The following PRKAR1B variants were observed in gnomAD, a reference collection of about 807,000 sequenced individuals.
The protein encoded by PRKAR1B is protein kinase cAMP-dependent type I regulatory subunit beta.
Under a neutral mutation model 46.5 loss-of-function variants are expected in PRKAR1B, and 22 were observed. That is an observed-to-expected ratio of 0.47 (90% CI 0.34 to 0.68). PRKAR1B has a LOEUF of 0.68. PRKAR1B is among the 30% of genes least tolerant of loss of function. The pLI, the probability that PRKAR1B is intolerant of heterozygous loss-of-function variation, is 0.01. For synonymous variants in PRKAR1B, 259 were observed against 217.7 expected, an observed-to-expected ratio of 1.19 and a Z score of -1.67; for missense variants, 445 against 535.6, an observed-to-expected ratio of 0.83 and a Z score of 1.67.
intron 4 of PRKAR1B, among the ~76,000 whole-genome samples, chr7:647,520 C>T (rs1657666825): frequency 6.6e-6 from 1 of 152,070 alleles, no homozygotes; most frequent in Non-Finnish European, 1.5e-5. Context: ...AAACACGTAC[C>T]TCCAGGCCAG....
At chr7:671,327 T>C (rs1332166600) in intron 4 of PRKAR1B, among the ~76,000 whole-genome samples, 2 of 152,166 alleles carry the variant, frequency 1.3e-5, no homozygotes, top group Non-Finnish European at 2.9e-5. Flanking sequence ...CGCCCAAACA[T>C]TTGCCTCTCA....
chr7:649,033 G>A (rs1015061083), intron 4 of PRKAR1B, among the ~76,000 whole-genome samples: 31 of 151,798 alleles, frequency 2.0e-4, no homozygotes, highest in East Asian at 3.9e-4. Flanking sequence ...GCATGGTGGC[G>A]GGTACCTGTA....
At chr7:668,263 G>A (rs1449507194) in intron 4 of PRKAR1B, among the ~76,000 whole-genome samples, 1 of 152,198 alleles carries the variant, frequency 6.6e-6, no homozygotes, top group Non-Finnish European at 1.5e-5. Flanking sequence ...GGCTTTGCTC[G>A]CCAAACCACA....
intron 9 of PRKAR1B, among the ~76,000 whole-genome samples, chr7:551,962 T>C (rs1285981268): frequency 2.1e-4 from 6 of 29,202 alleles, no homozygotes; most frequent in African/African-American, 1.4e-4. Context: ...GGTCCTTCCC[T>C]CGGCGCCACT....
At chr7:576,158 G>C (rs1464090529) in intron 9 of PRKAR1B, among the ~76,000 whole-genome samples, 89 of 116,678 alleles carry the variant, frequency 7.6e-4, no homozygotes, top group African/African-American at 2.5e-3. Flanking sequence ...CTCCTCTGCA[G>C]ACGGGCGGGC....
At chr7:555,004 G>A (rs1484402386) in intron 9 of PRKAR1B, among the ~76,000 whole-genome samples, 1 of 152,144 alleles carries the variant, frequency 6.6e-6, no homozygotes, top group Non-Finnish European at 1.5e-5. Flanking sequence ...AGGCTGCCGT[G>A]GCTCCGGGAG....
At chr7:559,955 C>A (rs1778684154) in intron 9 of PRKAR1B, among the ~76,000 whole-genome samples, 1 of 152,090 alleles carries the variant, frequency 6.6e-6, no homozygotes, top group Non-Finnish European at 1.5e-5. Flanking sequence ...GTGGTCCCAG[C>A]TACTCAGGAG....
At chr7:711,594 G>C in intron 1 of PRKAR1B, 67 bp from the exon 2 acceptor site, 1 of 1,419,716 alleles carries the variant, frequency 7.0e-7, no homozygotes, top group East Asian at 2.3e-5. Context: ...GATAAACGCA[G>C]GCGGCGTGAA....
chr7:719,179 ACAGGTGCCTGCCAC>A (rs1280194276), intron 1 of PRKAR1B, among the ~76,000 whole-genome samples: 3 of 152,092 alleles, frequency 2.0e-5, no homozygotes, highest in Non-Finnish European at 4.4e-5. Flanking sequence ...AGGTGGGATT[ACAGGTGCCTGCCAC>A]CACACCCGAC....
intron 5 of PRKAR1B, among the ~76,000 whole-genome samples, chr7:606,877 TAC>T (rs201250426): frequency 0.075 from 11,343 of 152,120 alleles, 1,067 homozygotes; most frequent in African/African-American, 0.22. Context: ...ATCTATTTTA[TAC>T]ACACACATAT....
At chr7:653,352 A>C (rs2128491065) in intron 4 of PRKAR1B, among the ~76,000 whole-genome samples, 1 of 152,288 alleles carries the variant, frequency 6.6e-6, no homozygotes, top group South Asian at 2.1e-4. Context: ...GCCTCTTCCC[A>C]ACACTGCCTC....
At chr7:648,812 T>A (rs1784749792) in intron 4 of PRKAR1B, among the ~76,000 whole-genome samples, 1 of 151,020 alleles carries the variant, frequency 6.6e-6, no homozygotes, top group South Asian at 2.1e-4. Flanking sequence ...AAATGAAATA[T>A]AAACCCATAG....
At chr7:669,139 G>A (rs185221111) in intron 4 of PRKAR1B, among the ~76,000 whole-genome samples, 12 of 152,268 alleles carry the variant, frequency 7.9e-5, no homozygotes, top group Admixed American at 2.0e-4. Flanking sequence ...AATATTACTC[G>A]GCCCTGAAAA....
At chr7:645,022 C>T (rs910504192) in intron 4 of PRKAR1B, among the ~76,000 whole-genome samples, 29 of 152,184 alleles carry the variant, frequency 1.9e-4, no homozygotes, top group Admixed American at 9.8e-4. Context: ...CGAGTGAGGG[C>T]AAAGGGCCCC....
At chr7:637,907 A>G (rs1784206216) in intron 4 of PRKAR1B, among the ~76,000 whole-genome samples, 1 of 149,148 alleles carries the variant, frequency 6.7e-6, no homozygotes, top group Non-Finnish European at 1.5e-5. Context: ...GTGTTGGACA[A>G]TGAGAACCCT....
At position 584,494 on chromosome 7, in the gene PRKAR1B, G is replaced by T; in HGVS notation, c.769+14C>A. On this transcript the variant is annotated intron_variant, in intron 8 of 10. Coordinates refer to ENST00000537384, the MANE Select transcript of PRKAR1B (RefSeq NM_001164760.2). ...TGTCGGGACACACAGCCGTGCAGGG[G>T]CGCAGCCACTGACCTAGGATGGAGA... 2 of 1,613,078 alleles carry T rather than the reference G, an allele frequency of 1.2e-6. No homozygotes were observed. Among genetic ancestry groups the T allele is most frequent in the Non-Finnish European group, 1.7e-6 (2 of 1,179,360 alleles).
chr7:618,155 T>A (rs1017518743), intron 4 of PRKAR1B, among the ~76,000 whole-genome samples: 15 of 152,040 alleles, frequency 9.9e-5, no homozygotes, highest in Non-Finnish European at 5.9e-5. Context: ...CACACCCATA[T>A]CCCTGCACTC....
At chr7:581,154 T>G (rs1780159839) in intron 8 of PRKAR1B, among the ~76,000 whole-genome samples, 1 of 151,894 alleles carries the variant, frequency 6.6e-6, no homozygotes, top group Non-Finnish European at 1.5e-5. Context: ...ATACAAAAAA[T>G]TAGCCGGGTG....
intron 4 of PRKAR1B, among the ~76,000 whole-genome samples, chr7:614,244 A>C (rs973913306): frequency 2.0e-5 from 3 of 152,258 alleles, no homozygotes; most frequent in Non-Finnish European, 4.4e-5. Context: ...AACACTCAGC[A>C]GCATATACGA....
Sources: gnomAD v4.1 joint callset for allele counts (sites outside exome capture counted in the v4.1 genomes callset) on GRCh38, gnomAD v4.1.1 for gene constraint, MANE v1.5 for transcripts, NCBI Gene and HGNC (gene_info 2026-07-23, HGNC 2026-07-21) for gene names.